The following NRXN3 variants were observed in gnomAD, a reference collection of about 807,000 sequenced individuals.
The protein encoded by NRXN3 is neurexin III.
A neutral mutation model predicts 137.6 loss-of-function variants in NRXN3; 32 were observed. That is an observed-to-expected ratio of 0.23 (90% CI 0.18 to 0.31). NRXN3 has a LOEUF of 0.31. Among genes scored for constraint, NRXN3 ranks in the 10% least tolerant of loss-of-function variants. NRXN3 has a pLI of 1.00. For missense variants in NRXN3, 1,574 were observed against 2,062.5 expected (o/e 0.76, Z 4.59); for synonymous variants, 798 against 784.5 (o/e 1.02, Z -0.29).
At chr14:78,755,042 C>T (rs2098661414) in intron 8 of NRXN3, among the ~76,000 whole-genome samples, 1 of 152,062 alleles carries the variant, frequency 6.6e-6, no homozygotes, top group African/African-American at 2.4e-5. Flanking sequence ...AGGCTCTATG[C>T]TCTTCCATTT....
chr14:79,742,529 G>A (rs2098966511), intron 19 of NRXN3, among the ~76,000 whole-genome samples: 1 of 151,988 alleles, frequency 6.6e-6, no homozygotes, highest in Non-Finnish European at 1.5e-5. Flanking sequence ...ATATTATCAT[G>A]TCAATCCAAG....
At chr14:78,973,177 C>T (rs774123762) in intron 14 of NRXN3, among the ~76,000 whole-genome samples, 3 of 152,138 alleles carry the variant, frequency 2.0e-5, no homozygotes, top group East Asian at 1.9e-4. Flanking sequence ...CATCCCATAC[C>T]GTGACTATAC....
chr14:79,054,751 A>G (rs1040766932), intron 15 of NRXN3, among the ~76,000 whole-genome samples: 1 of 152,200 alleles, frequency 6.6e-6, no homozygotes, highest in African/African-American at 2.4e-5. Context: ...CCAGTTGTTA[A>G]CAGTTTTTAA....
intron 4 of NRXN3, among the ~76,000 whole-genome samples, chr14:78,374,536 G>A (rs890231674): frequency 6.6e-6 from 1 of 152,112 alleles, no homozygotes; most frequent in Admixed American, 6.5e-5. Context: ...ACTTTGGGAG[G>A]CTGAGGCAGG....
chr14:78,673,367 G>A (rs1032259764), intron 6 of NRXN3, among the ~76,000 whole-genome samples: 4 of 152,238 alleles, frequency 2.6e-5, no homozygotes, highest in Non-Finnish European at 5.9e-5. Context: ...TTACAGGGCA[G>A]CCAGGCAGTC....
At chr14:78,542,432 G>T (rs1344677553) in intron 4 of NRXN3, among the ~76,000 whole-genome samples, 2 of 152,242 alleles carry the variant, frequency 1.3e-5, no homozygotes, top group African/African-American at 4.8e-5. Flanking sequence ...CCACCTTGCA[G>T]TTCAATCTCA....
intron 15 of NRXN3, among the ~76,000 whole-genome samples, chr14:79,199,287 C>T (rs2065598594): frequency 6.6e-6 from 1 of 151,718 alleles, no homozygotes; most frequent in Admixed American, 6.6e-5. Flanking sequence ...TATTCATTTC[C>T]TCTCGTGCCT....
Position 79,359,071 on chromosome 14 carries a change from C to T in NRXN3, c.3263-108150C>T, listed in dbSNP as rs544674073. On this transcript the variant is annotated intron_variant, in intron 15 of 20. Coordinates refer to ENST00000335750, the MANE Select transcript of NRXN3 (RefSeq NM_001330195.2). ...CATATGTTTGCAGCATAATTCTTTT[C>T]ATAATTGTGTAGCCTCAATGGGATA... Among the ~76,000 whole-genome samples the T allele has an allele frequency of 4.6e-5, 7 of 152,270 alleles. No homozygotes were observed. In the East Asian group the frequency reaches 1.4e-3, roughly 29 times the overall value.
At chr14:79,635,056 G>A (rs2098393141) in intron 16 of NRXN3, among the ~76,000 whole-genome samples, 1 of 152,126 alleles carries the variant, frequency 6.6e-6, no homozygotes, top group South Asian at 2.1e-4. Flanking sequence ...ATTCAAAATA[G>A]CTAGAAGAGA....
chr14:78,892,393 G>T (rs1237191849), intron 10 of NRXN3, among the ~76,000 whole-genome samples: 2 of 151,938 alleles, frequency 1.3e-5, no homozygotes, highest in African/African-American at 4.8e-5. Flanking sequence ...GCTCGTTTGA[G>T]TTGGCAGATA....
At chr14:79,820,498 C>G (rs984062931) in intron 20 of NRXN3, among the ~76,000 whole-genome samples, 4 of 152,256 alleles carry the variant, frequency 2.6e-5, no homozygotes, top group Non-Finnish European at 5.9e-5. Flanking sequence ...ATGGCTTTTC[C>G]TTAAGAAGTT....
intron 2 of NRXN3, among the ~76,000 whole-genome samples, chr14:78,276,273 T>C (rs1459732506): frequency 2.0e-4 from 31 of 152,210 alleles, no homozygotes; most frequent in Admixed American, 2.0e-3. Flanking sequence ...TCCTTGCTTC[T>C]GTTCGCCCCC....
intron 4 of NRXN3, among the ~76,000 whole-genome samples, chr14:78,616,354 C>T (rs1443541569): frequency 2.0e-5 from 3 of 152,180 alleles, no homozygotes; most frequent in Non-Finnish European, 4.4e-5. Context: ...CTTTTCTGCT[C>T]TCCCTCCCCT....
At chr14:79,576,716 T>G (rs769843032) in intron 16 of NRXN3, among the ~76,000 whole-genome samples, 6 of 152,148 alleles carry the variant, frequency 3.9e-5, no homozygotes, top group Non-Finnish European at 8.8e-5. Flanking sequence ...TGATCCTATT[T>G]ATTTATCTGA....
At chr14:79,119,509 T>A (rs1320687298) in intron 15 of NRXN3, among the ~76,000 whole-genome samples, 1 of 152,224 alleles carries the variant, frequency 6.6e-6, no homozygotes, top group East Asian at 1.9e-4. Context: ...TATTAAATAT[T>A]GCCTTTTATT....
chr14:79,006,606 A>G (rs2099553558), intron 15 of NRXN3, among the ~76,000 whole-genome samples: 1 of 152,062 alleles, frequency 6.6e-6, no homozygotes, highest in African/African-American at 2.4e-5. Flanking sequence ...AGATGTTTTT[A>G]AGTTAAAATA....
chr14:78,682,150 G>A (rs950260404), intron 6 of NRXN3, among the ~76,000 whole-genome samples: 1 of 152,128 alleles, frequency 6.6e-6, no homozygotes, highest in Non-Finnish European at 1.5e-5. Context: ...ACAGGCGTGA[G>A]CCACCACACC....
intron 15 of NRXN3, among the ~76,000 whole-genome samples, chr14:79,109,294 ATCT>A (rs35447926): frequency 0.33 from 49,798 of 151,976 alleles, 8,654 homozygotes; most frequent in Admixed American, 0.46. Context: ...AATTAGCCTT[ATCT>A]TCTTGTAAGT....
intron 16 of NRXN3, among the ~76,000 whole-genome samples, chr14:79,495,967 CA>C (rs1176156679): frequency 2.7e-5 from 4 of 147,694 alleles, no homozygotes; most frequent in African/African-American, 5.0e-5. Flanking sequence ...AAACAAAAAA[CA>C]AAAAAACAAA....
Sources: gnomAD v4.1 joint callset for allele counts (sites outside exome capture counted in the v4.1 genomes callset) on GRCh38, gnomAD v4.1.1 for gene constraint, MANE v1.5 for transcripts, NCBI Gene and HGNC (gene_info 2026-07-23, HGNC 2026-07-21) for gene names.